MEF2C: variants seen among roughly 807,000 people sequenced by gnomAD.
MEF2C encodes the protein myocyte enhancer factor 2C, also known as myocyte-specific enhancer factor 2C.
Under a neutral mutation model 50.5 loss-of-function variants are expected in MEF2C, and 6 were observed. The observed-to-expected ratio is 0.12, with a 90% CI of 0.07 to 0.23. MEF2C has a LOEUF of 0.23. MEF2C is among the 10% of genes least tolerant of loss of function. The probability of loss-of-function intolerance (pLI) is 1.00; values close to 1 mark genes in which losing one functional copy is unlikely to be tolerated. For missense variants in MEF2C, 276 were observed against 605.0 expected (o/e 0.46, Z 5.70); for synonymous variants, 183 against 228.0 (o/e 0.80, Z 1.78).
intron 6 of MEF2C, among the ~76,000 whole-genome samples, chr5:88,744,602 T>A (rs1768453915): frequency 6.6e-6 from 1 of 152,192 alleles, no homozygotes; most frequent in Admixed American, 6.5e-5. Flanking sequence ...TTAAAAGCAG[T>A]GACTTTTCAT....
At chr5:88,864,396 A>G (rs973045704) in intron 1 of MEF2C, among the ~76,000 whole-genome samples, 1 of 151,738 alleles carries the variant, frequency 6.6e-6, no homozygotes, top group African/African-American at 2.4e-5. Flanking sequence ...TTACATTAAG[A>G]GCTCCCAGGC....
chr5:88,822,780 C>T (rs1809018253), intron 2 of MEF2C, among the ~76,000 whole-genome samples: 1 of 151,874 alleles, frequency 6.6e-6, no homozygotes. Flanking sequence ...ACTGTGTAGC[C>T]TTCTTCAGTG....
chr5:88,734,783 G>T, intron 6 of MEF2C: 2 of 980,834 alleles, frequency 2.0e-6, no homozygotes, highest in Non-Finnish European at 2.4e-6. Context: ...TTTTCTCTTG[G>T]AATATTTCCT....
At chr5:88,829,935 G>A (rs1193650101) in intron 1 of MEF2C, among the ~76,000 whole-genome samples, 1 of 151,946 alleles carries the variant, frequency 6.6e-6, no homozygotes, top group Non-Finnish European at 1.5e-5. Flanking sequence ...CTGGGAACAT[G>A]GCCTGCTGCT....
chr5:88,778,838 C>T (rs909226200), intron 3 of MEF2C, among the ~76,000 whole-genome samples: 1 of 152,196 alleles, frequency 6.6e-6, no homozygotes, highest in Non-Finnish European at 1.5e-5. Flanking sequence ...GCTTCAAGAA[C>T]CACAAACACT....
intron 2 of MEF2C, among the ~76,000 whole-genome samples, chr5:88,818,057 T>C (rs1420797989): frequency 1.3e-5 from 2 of 152,118 alleles, no homozygotes; most frequent in East Asian, 1.9e-4. Context: ...CTACAGTTAA[T>C]ATATCTTACA....
chr5:88,854,289 T>C (rs572743264), intron 1 of MEF2C, among the ~76,000 whole-genome samples: 1 of 152,312 alleles, frequency 6.6e-6, no homozygotes, highest in African/African-American at 2.4e-5. Context: ...GTATAGCAGA[T>C]GTGGTGCAAA....
intron 2 of MEF2C, among the ~76,000 whole-genome samples, chr5:88,820,888 C>G (rs1808016520): frequency 6.6e-6 from 1 of 151,930 alleles, no homozygotes; most frequent in African/African-American, 2.4e-5. Context: ...GTGCACAAGA[C>G]AAGCATTTAT....
upstream of MEF2C, chr5:88,883,259 G>C (rs1833529234): frequency 6.6e-6 from 1 of 152,046 alleles, no homozygotes; most frequent in Non-Finnish European, 1.5e-5. Context: ...CGCGAGGGGG[G>C]GGGCGCGGGG....
chr5:88,871,232 T>G (rs1829407722), intron 1 of MEF2C, among the ~76,000 whole-genome samples: 1 of 151,990 alleles, frequency 6.6e-6, no homozygotes, highest in African/African-American at 2.4e-5. Flanking sequence ...TTAACAGCCA[T>G]TTTCCAGTAA....
intron 5 of MEF2C, chr5:88,751,366 T>C: frequency 1.0e-6 from 1 of 985,432 alleles, no homozygotes; most frequent in Non-Finnish European, 1.2e-6. Context: ...TGCTATCTTA[T>C]CATATTTCCT....
intron 3 of MEF2C, among the ~76,000 whole-genome samples, chr5:88,762,179 T>C (rs535768207): frequency 6.6e-6 from 1 of 152,326 alleles, no homozygotes; most frequent in South Asian, 2.1e-4. Context: ...ACCTCCTGTC[T>C]CCTGGATGTG....
intron 6 of MEF2C, chr5:88,739,631 T>C (rs1765649314): frequency 1.0e-6 from 1 of 985,310 alleles, no homozygotes; most frequent in East Asian, 1.1e-4. Flanking sequence ...AATATGATCT[T>C]CTAGACTGCA....
chr5:88,739,917 C>T, intron 6 of MEF2C: 1 of 985,228 alleles, frequency 1.0e-6, no homozygotes, highest in Non-Finnish European at 1.2e-6. Flanking sequence ...GATTCTTACA[C>T]ACAAAATAAA....
intron 1 of MEF2C, among the ~76,000 whole-genome samples, chr5:88,834,559 C>T (rs1175433390): frequency 6.6e-6 from 1 of 152,030 alleles, no homozygotes; most frequent in Admixed American, 6.6e-5. Context: ...ATTTTAAATA[C>T]AGAAGTGCTA....
chr5:88,814,450 T>C (rs952092221), intron 2 of MEF2C, among the ~76,000 whole-genome samples: 2 of 152,004 alleles, frequency 1.3e-5, no homozygotes, highest in Non-Finnish European at 2.9e-5. Flanking sequence ...CCCTCCAGCA[T>C]AACTTGCGAG....
At chr5:88,866,564 TA>T (rs1827462000) in intron 1 of MEF2C, among the ~76,000 whole-genome samples, 1 of 152,238 alleles carries the variant, frequency 6.6e-6, no homozygotes, top group Non-Finnish European at 1.5e-5. Context: ...GTAAAAATTC[TA>T]AAAATGATCC....
chr5:88,729,729 C>T (rs987604271), intron 8 of MEF2C, among the ~76,000 whole-genome samples: 1 of 151,972 alleles, frequency 6.6e-6, no homozygotes, highest in Non-Finnish European at 1.5e-5. Flanking sequence ...ATGTTCAGTT[C>T]TACATACAGC....
chr5:88,801,660 G>T (rs1798425180), intron 3 of MEF2C, among the ~76,000 whole-genome samples: 1 of 151,874 alleles, frequency 6.6e-6, no homozygotes. Context: ...CTAATTTTTT[G>T]GATTTTTAGT....
Sources: gnomAD v4.1 joint callset for allele counts (sites outside exome capture counted in the v4.1 genomes callset) on GRCh38, gnomAD v4.1.1 for gene constraint, MANE v1.5 for transcripts, NCBI Gene and HGNC (gene_info 2026-07-23, HGNC 2026-07-21) for gene names.